The following TRERF1 variants were observed in gnomAD, a reference collection of about 807,000 sequenced individuals.
TRERF1 encodes the protein transcriptional-regulating factor 1.
Under a neutral mutation model 122.9 loss-of-function variants are expected in TRERF1, and 27 were observed. That is an observed-to-expected ratio of 0.22 (90% CI 0.16 to 0.30). TRERF1 has a LOEUF of 0.30. TRERF1 is among the 10% of genes least tolerant of loss of function. The probability of loss-of-function intolerance (pLI) is 1.00; values close to 1 mark genes in which losing one functional copy is unlikely to be tolerated. For missense variants in TRERF1, 1,248 were observed against 1,560.3 expected (o/e 0.80, Z 3.37); for synonymous variants, 636 against 641.7 (o/e 0.99, Z 0.13).
chr6:42,425,269 G>A (rs969828615), intron 2 of TRERF1, among the ~76,000 whole-genome samples: 1 of 152,114 alleles, frequency 6.6e-6, no homozygotes, highest in African/African-American at 2.4e-5. Flanking sequence ...TGACTAATAA[G>A]AGCTACCATT....
intron 4 of TRERF1, among the ~76,000 whole-genome samples, chr6:42,279,596 C>T (rs541090528): frequency 2.6e-5 from 4 of 152,340 alleles, no homozygotes; most frequent in South Asian, 4.1e-4. Context: ...TCAAGCTCCA[C>T]ACCTAGCGTC....
intron 2 of TRERF1, among the ~76,000 whole-genome samples, chr6:42,377,493 A>G (rs1775117841): frequency 6.6e-6 from 1 of 152,248 alleles, no homozygotes; most frequent in Admixed American, 6.5e-5. Flanking sequence ...AGCATGTATC[A>G]GTACTCCAAC....
chr6:42,319,841 A>T (rs1425063424), intron 3 of TRERF1, among the ~76,000 whole-genome samples: 1 of 151,138 alleles, frequency 6.6e-6, no homozygotes, highest in African/African-American at 2.4e-5. Context: ...TGGTGCATTC[A>T]ATAGACATAT....
intron 4 of TRERF1, among the ~76,000 whole-genome samples, chr6:42,293,168 C>G (rs570473682): frequency 2.6e-5 from 4 of 152,200 alleles, no homozygotes; most frequent in Non-Finnish European, 5.9e-5. Context: ...GCCAGCCTCA[C>G]AGACGTGGAA....
chr6:42,307,974 G>T (rs1052152613), intron 3 of TRERF1, among the ~76,000 whole-genome samples: 1 of 152,236 alleles, frequency 6.6e-6, no homozygotes, highest in African/African-American at 2.4e-5. Context: ...CACAAGTGTT[G>T]ACCTGGAAGT....
intron 2 of TRERF1, among the ~76,000 whole-genome samples, chr6:42,420,536 C>T (rs550850008): frequency 6.6e-6 from 1 of 152,142 alleles, no homozygotes; most frequent in South Asian, 2.1e-4. Context: ...TTTTTAATGA[C>T]TTTTTTAAAT....
chr6:42,228,218 G>C lies in TRERF1; in HGVS notation c.*127C>G. 1 of 818,836 alleles carries C rather than the reference G, an allele frequency of 1.2e-6. No individual in the cohort carries two copies. The highest frequency in any genetic ancestry group is 1.7e-6 in the Non-Finnish European group (1 of 577,228). 50.7% of individuals were successfully genotyped at this position (818,836 alleles called of 1,614,324 possible). On this transcript the variant is annotated 3_prime_UTR_variant, in exon 18 of 18. Transcript: ENST00000372922. The surrounding 1 kb of genome is among the most constrained non-coding windows in gnomAD (Gnocchi z 4.2). ...AAATAGGATTTTTTTTTCTAAACCT[G>C]AATAAAATGACCACTTTTAAAACAG... is the stretch of plus-strand genomic sequence containing the variant.
At chr6:42,230,062 T>C (rs1056973739) in intron 17 of TRERF1, among the ~76,000 whole-genome samples, 1 of 152,126 alleles carries the variant, frequency 6.6e-6, no homozygotes, top group Non-Finnish European at 1.5e-5. Flanking sequence ...GGTGGCATAA[T>C]ACTCTTTAGT....
intron 16 of TRERF1, 123 bp from the exon 17 acceptor site, chr6:42,233,051 G>T: frequency 9.7e-7 from 1 of 1,034,090 alleles, no homozygotes; most frequent in Non-Finnish European, 1.4e-6. Flanking sequence ...AAAAGGTAAA[G>T]ATCAAATACC....
At chr6:42,372,863 C>A (rs371143819) in intron 2 of TRERF1, among the ~76,000 whole-genome samples, 2 of 152,168 alleles carry the variant, frequency 1.3e-5, no homozygotes. Context: ...GGCCCCACTA[C>A]GGAGGAATGA....
intron 13 of TRERF1, among the ~76,000 whole-genome samples, chr6:42,247,566 T>C (rs985240509): frequency 3.9e-5 from 6 of 152,220 alleles, no homozygotes; most frequent in African/African-American, 1.4e-4. Flanking sequence ...GAGCCAGTTC[T>C]TGACAGATTT....
chr6:42,354,842 C>T (rs567381623), intron 3 of TRERF1, among the ~76,000 whole-genome samples: 1 of 152,224 alleles, frequency 6.6e-6, no homozygotes, highest in South Asian at 2.1e-4. Flanking sequence ...TTCAGAATTC[C>T]CCCGATGTTC....
chr6:42,238,767 TTG>T (rs1183142344), intron 15 of TRERF1, among the ~76,000 whole-genome samples: 5 of 150,926 alleles, frequency 3.3e-5, no homozygotes, highest in African/African-American at 1.2e-4. Flanking sequence ...AGACACAAAT[TTG>T]TGTGTTAGTC....
chr6:42,283,283 C>A (rs66566354), intron 4 of TRERF1, among the ~76,000 whole-genome samples: 4,156 of 152,326 alleles, frequency 0.027, 57 homozygotes, highest in Non-Finnish European at 0.037. Flanking sequence ...TGCTCTGTGC[C>A]TGTCCTCAAA....
chr6:42,343,499 C>T (rs561191909), intron 3 of TRERF1, among the ~76,000 whole-genome samples: 5 of 152,250 alleles, frequency 3.3e-5, no homozygotes, highest in African/African-American at 1.2e-4. Flanking sequence ...TACCTGGTGT[C>T]GCGCTGCTCT....
At chr6:42,323,771 G>T (rs139739193) in intron 3 of TRERF1, among the ~76,000 whole-genome samples, 244 of 152,330 alleles carry the variant, frequency 1.6e-3, no homozygotes, top group African/African-American at 5.5e-3. Context: ...GGCCCCGAAG[G>T]TTGAGTGGAA....
At chr6:42,332,071 T>A (rs1274474325) in intron 3 of TRERF1, among the ~76,000 whole-genome samples, 6 of 152,154 alleles carry the variant, frequency 3.9e-5, no homozygotes, top group Admixed American at 3.9e-4. Flanking sequence ...GCCTCCTGAG[T>A]AGCTGAGATT....
intron 13 of TRERF1, among the ~76,000 whole-genome samples, chr6:42,251,247 T>C (rs535268725): frequency 2.2e-4 from 33 of 152,198 alleles, no homozygotes; most frequent in African/African-American, 7.9e-4. Context: ...CTGCCCGCCT[T>C]GGCCTCCCAA....
At chr6:42,425,391 G>A (rs1338341134) in intron 2 of TRERF1, among the ~76,000 whole-genome samples, 2 of 150,566 alleles carry the variant, frequency 1.3e-5, no homozygotes, top group African/African-American at 4.9e-5. Flanking sequence ...AAAGAAAACT[G>A]AGGCTCAGAG....
Sources: gnomAD v4.1 joint callset for allele counts (sites outside exome capture counted in the v4.1 genomes callset) on GRCh38, gnomAD v4.1.1 for gene constraint, Gnocchi (gnomAD v3.1) non-coding constraint, MANE v1.5 for transcripts, NCBI Gene and HGNC (gene_info 2026-07-23, HGNC 2026-07-21) for gene names.